Variants in FCHSD1 observed in about 807,000 individuals in gnomAD.
FCHSD1 encodes F-BAR and double SH3 domains protein 1.
In FCHSD1, 109 loss-of-function variants were observed where a neutral mutation model predicts 101.3. The ratio of observed to expected loss-of-function variants is 1.08; its 90% CI spans 0.92 to 1.26. The LOEUF is 1.26. Ranked by LOEUF, FCHSD1 falls within the 50% of genes most tolerant of loss-of-function variation. The probability of loss-of-function intolerance (pLI) is 0.00; values close to 1 mark genes in which losing one functional copy is unlikely to be tolerated. For synonymous variants in FCHSD1, 291 were observed against 356.8 expected (o/e 0.82, Z 2.08); for missense variants, 820 against 895.8 (o/e 0.92, Z 1.08).
intron 13 of FCHSD1, 42 bp downstream of exon 13, chr5:141,645,729 C>T (rs775555068): frequency 1.8e-5 from 28 of 1,570,344 alleles, no homozygotes; most frequent in Non-Finnish European, 2.2e-5. Flanking sequence ...TGGAGTTTTT[C>T]CCTTCTAAGT....
chr5:141,651,010 G>T lies in FCHSD1; in HGVS notation c.119+10C>A. ...AGGTGAGTGTAAATGAAGGGGGTTG[G>T]GGGAGCTACCTGATGTCCTCCAGCA... On this transcript the variant is annotated intron_variant, in intron 2 of 19. Coordinates refer to ENST00000435817, the MANE Select transcript of FCHSD1 (RefSeq NM_033449.3). 6.4e-7 allele frequency: 1 copy of T among 1,574,382 alleles called. No homozygotes were observed. Among genetic ancestry groups the T allele is most frequent in the East Asian group, 2.3e-5 (1 of 42,984 alleles).
chr5:141,649,605 G>T lies in FCHSD1; in HGVS notation c.234-69C>A. The T allele has an allele frequency of 6.5e-7, 1 of 1,539,000 alleles. No homozygotes were observed. The highest frequency in any genetic ancestry group is 8.7e-7 in the Non-Finnish European group (1 of 1,146,294). On this transcript the variant is annotated intron_variant, in intron 4 of 19. Transcript: ENST00000435817. This position sits in a 1 kb window ranked among gnomAD's most constrained non-coding sequence, Gnocchi z 4.1. The stretch of plus-strand genomic sequence containing the variant: ...CTTCATGAGACCACCCCCACCCCCT[G>T]CCCCCTGACCAACACCATGGGAGAC...
In FCHSD1 at chr5:141,641,530, G is replaced by T. The variant is rs749443948; in HGVS notation, c.2041C>A (p.Pro681Thr). The part of the protein sequence containing the change: ...RPPPPPPAKA[P>T]DPGHPDPLT ...AGGGGATCTGGGTGGCCAGGATCCG[G>T]GGCTTTAGCCGGCGGGGGAGGTGGT... The change falls in exon 20 of 20, where the codon CCG (proline) becomes ACG (threonine). Residue 681 changes from proline to threonine, a missense_variant. Physicochemically the swap from Pro to Thr is conservative, Grantham distance 38. Coordinates refer to ENST00000435817, the MANE Select transcript of FCHSD1 (RefSeq NM_033449.3). The T allele has an allele frequency of 2.6e-6, 4 of 1,515,812 alleles. No individual in the cohort carries two copies. In the African/African-American group the frequency reaches 4.2e-5, roughly 16 times the overall value. The allele number at this position is 1,515,812 out of a possible 1,614,324, so 93.9% of individuals were successfully genotyped here.
chr5:141,649,346 C>T lies in FCHSD1; in HGVS notation c.376-38G>A, dbSNP rs751770059. The T allele has an allele frequency of 1.2e-6, 2 of 1,613,792 alleles. No homozygotes were observed. Among genetic ancestry groups the T allele is most frequent in the East Asian group, 2.2e-5 (1 of 44,898 alleles). The stretch of plus-strand genomic sequence containing the variant: ...ATACACAAAGTCCTTACCTAGACCA[C>T]CTTTGGTCCCAAGCCAGCTCTTCCT... On this transcript the variant is annotated intron_variant, in intron 5 of 19. Coordinates refer to ENST00000435817, the MANE Select transcript of FCHSD1 (RefSeq NM_033449.3). This position sits in a 1 kb window ranked among gnomAD's most constrained non-coding sequence, Gnocchi z 4.1.
chr5:141,649,272 G>T lies in FCHSD1; in HGVS notation c.412C>A (p.Leu138Met). 1 of 1,614,006 alleles carries T rather than the reference G, an allele frequency of 6.2e-7. No homozygotes were observed. Reference protein sequence around the residue: ...ENLQRAQAEVLQSVRELSRSR... With the variant: ...ENLQRAQAEVMQSVRELSRSR... ...CGGCTCAGCTCCCGGACAGACTGCA[G>T]CACCTCAGCCTGCGCCCTCTGGAGG... Residue 138 changes from leucine to methionine, a missense_variant, in exon 6 of 20, where the codon CTG becomes ATG. By Grantham distance (15) the Leu-to-Met change is conservative. Transcript: ENST00000435817. The surrounding 1 kb of genome is among the most constrained non-coding windows in gnomAD (Gnocchi z 4.1).
At chr5:141,650,015 A>T (rs890416481) in intron 3 of FCHSD1, 61 bp from the exon 4 acceptor site, 17 of 1,468,364 alleles carry the variant, frequency 1.2e-5, no homozygotes, top group Non-Finnish European at 1.4e-5. Context: ...AACTGGCAGA[A>T]TATGACATCA....
chr5:141,646,454 C>CTTAA (rs752327260), intron 11 of FCHSD1, 149 bp downstream of exon 11: 7 of 1,295,060 alleles, frequency 5.4e-6, no homozygotes, highest in Non-Finnish European at 7.3e-6. Context: ...AAACTGTGCT[C>CTTAA]TTAACTATTG....
chr5:141,648,135 C>A, intron 7 of FCHSD1, 39 bp from the exon 8 acceptor site: 2 of 1,565,962 alleles, frequency 1.3e-6, no homozygotes, highest in Non-Finnish European at 8.7e-7. Context: ...AGCCCTAGAC[C>A]CCCAGAGTCC....
Position 141,640,032 on chromosome 5 carries a change from G to A in FCHSD1, c.*1466C>T. 1.9e-6 allele frequency: 3 copies of A among 1,613,644 alleles called. No homozygotes were observed. Among genetic ancestry groups the A allele is most frequent in the Non-Finnish European group, 2.5e-6 (3 of 1,179,882 alleles). ...GGGACAGGACCCAGGGGGTGGTCAG[G>A]GGTCTGGGGGAGGGCAGCCCAAGGC... On this transcript the variant is annotated 3_prime_UTR_variant, in exon 20 of 20. Coordinates refer to ENST00000435817, the MANE Select transcript of FCHSD1 (RefSeq NM_033449.3).
At position 141,651,010 on chromosome 5, in the gene FCHSD1, G is replaced by A. The variant is rs769970706; in HGVS notation, c.119+10C>T. The stretch of plus-strand genomic sequence containing the variant: ...AGGTGAGTGTAAATGAAGGGGGTTG[G>A]GGGAGCTACCTGATGTCCTCCAGCA... On this transcript the variant is annotated intron_variant, in intron 2 of 19. Transcript: ENST00000435817. The A allele has an allele frequency of 1.9e-6, 3 of 1,574,382 alleles. No homozygotes were observed. In the Admixed American group the frequency reaches 5.5e-5, roughly 29 times the overall value.
intron 19 of FCHSD1, 38 bp from the exon 20 acceptor site, chr5:141,641,601 C>A: frequency 6.3e-7 from 1 of 1,599,388 alleles, no homozygotes; most frequent in South Asian, 1.1e-5. Flanking sequence ...AGAGTTCTCC[C>A]TTAAGGGTAT....
chr5:141,642,320 A>G (rs529743675), intron 18 of FCHSD1: 124 of 633,902 alleles, frequency 2.0e-4, no homozygotes, highest in Non-Finnish European at 3.0e-4. Flanking sequence ...GGACATAGAG[A>G]TGGAAATAAC....
In FCHSD1 at chr5:141,647,151, G is replaced by A. The variant is rs115056843; in HGVS notation, c.908C>T (p.Pro303Leu). The A allele has an allele frequency of 7.1e-4, 1,144 of 1,608,192 alleles. 13 individuals are homozygous for A. The African/African-American group carries it at 0.013, about 19-fold the overall frequency. The change falls in exon 10 of 20, where the codon CCA becomes CTA. Residue 303 changes from proline to leucine, a missense_variant. Coordinates refer to ENST00000435817, the MANE Select transcript of FCHSD1 (RefSeq NM_033449.3). ...AGATCTCACCTGATCAGTCCCTGCT[G>A]GCTGAAACTGCTGAGGTGGGGTGGG... ...FSPTPPQQFQ[P>L]AGTDQVCVLE...
At chr5:141,648,146 T>A (rs1562391345) in intron 7 of FCHSD1, 50 bp from the exon 8 acceptor site, 1 of 1,538,980 alleles carries the variant, frequency 6.5e-7, no homozygotes, top group Non-Finnish European at 8.8e-7. Flanking sequence ...CCCAGAGTCC[T>A]TCCAAGACCA....
rs529578464 is a variant in FCHSD1, at chr5:141,647,722, G to T, written c.706-202C>A. ...CCATTCTCTCCTTTGAGCCCCACTA[G>T]TGCTATAAGATAGGCAGAGAAAGGG... On this transcript the variant is annotated intron_variant, in intron 8 of 19. Transcript: ENST00000435817. The T allele has an allele frequency of 7.2e-6, 7 of 972,362 alleles. No homozygotes were observed. The African/African-American group carries it at 9.9e-5, about 14-fold the overall frequency. 60.2% of individuals were successfully genotyped at this position (972,362 alleles called of 1,614,324 possible).
chr5:141,640,394 C>A lies in FCHSD1; in HGVS notation c.*1104G>T, dbSNP rs951764332. 6.2e-7 allele frequency: 1 copy of A among 1,614,174 alleles called. No homozygotes were observed. Among genetic ancestry groups the A allele is most frequent in the Non-Finnish European group, 8.5e-7 (1 of 1,180,010 alleles). On this transcript the variant is annotated 3_prime_UTR_variant, in exon 20 of 20. Transcript: ENST00000435817. ...CTACTCCTGGTCTCTCATTGTTGACCCCTCCCCTTTCTCTCAGGTGTCTCT... is the reference window on the plus strand; with the variant it reads ...CTACTCCTGGTCTCTCATTGTTGACACCTCCCCTTTCTCTCAGGTGTCTCT...
chr5:141,643,189 T>A lies in FCHSD1; in HGVS notation c.1864-101A>T, dbSNP rs528969637. ...CAGTTCCTTCCTCATCACTTCTCAA[T>A]ACAGGAAGTGGCCAAATGCTTGCAT... On this transcript the variant is annotated intron_variant, in intron 17 of 19. Transcript: ENST00000435817. The A allele has an allele frequency of 2.1e-5, 19 of 904,928 alleles. No homozygotes were observed. The Admixed American group carries it at 2.3e-4, about 11-fold the overall frequency. 56.1% of individuals were successfully genotyped at this position (904,928 alleles called of 1,614,324 possible).
chr5:141,647,944 A>C, intron 8 of FCHSD1, 24 bp downstream of exon 8: 1 of 1,610,246 alleles, frequency 6.2e-7, no homozygotes, highest in Non-Finnish European at 8.5e-7. Flanking sequence ...GCTGAGGGAT[A>C]GGGGTGTCTG....
rs1458381562 is a variant in FCHSD1 at position 141,639,660 on chromosome 5, T to C, written c.*1838A>G. The C allele has an allele frequency of 6.3e-7, 1 of 1,589,778 alleles. No homozygotes were observed. Among genetic ancestry groups the C allele is most frequent in the South Asian group, 1.1e-5 (1 of 89,668 alleles). On this transcript the variant is annotated 3_prime_UTR_variant, in exon 20 of 20. Coordinates refer to ENST00000435817, the MANE Select transcript of FCHSD1 (RefSeq NM_033449.3). The surrounding 1 kb of genome is among the most constrained non-coding windows in gnomAD (Gnocchi z 4.4). Reference sequence around the variant, plus strand: ...GTTCTCTGTGGGCAGGTGGGGCAGGTGCTCCAGGGAAAGGGGGGCTGAGGT... The same window carrying C: ...GTTCTCTGTGGGCAGGTGGGGCAGGCGCTCCAGGGAAAGGGGGGCTGAGGT...
Sources: allele counts gnomAD v4.1 joint callset, GRCh38; gene constraint gnomAD v4.1.1; non-coding constraint Gnocchi (gnomAD v3.1); transcripts MANE v1.5; gene names NCBI Gene and HGNC (gene_info 2026-07-23, HGNC 2026-07-21).